NCALD: variants seen among roughly 807,000 people sequenced by gnomAD.
NCALD encodes neurocalcin-delta.
A neutral mutation model predicts 18.6 loss-of-function variants in NCALD; 10 were observed. That is an observed-to-expected ratio of 0.54 (90% CI 0.33 to 0.91). NCALD has a LOEUF of 0.91. Ranked by LOEUF, NCALD falls within the 40% of genes least tolerant of loss-of-function variation. NCALD has a pLI of 0.03. For synonymous variants in NCALD, 88 were observed against 87.4 expected, an observed-to-expected ratio of 1.01 and a Z score of -0.04; for missense variants, 184 against 247.6, an observed-to-expected ratio of 0.74 and a Z score of 1.72.
intron 1 of NCALD, among the ~76,000 whole-genome samples, chr8:102,102,934 A>T (rs898429621): frequency 2.0e-5 from 3 of 152,166 alleles, no homozygotes; most frequent in African/African-American, 7.2e-5. Flanking sequence ...CTCGGGAGTG[A>T]TGAGACCCTA....
At chr8:101,937,474 T>G (rs1043230847) in intron 2 of NCALD, among the ~76,000 whole-genome samples, 12 of 152,210 alleles carry the variant, frequency 7.9e-5, no homozygotes, top group African/African-American at 2.9e-4. Flanking sequence ...TTGCTAAGGA[T>G]AATGGCCTCC....
At chr8:102,055,252 A>C (rs1055391337) in intron 1 of NCALD, among the ~76,000 whole-genome samples, 1 of 127,130 alleles carries the variant, frequency 7.9e-6, no homozygotes, top group African/African-American at 2.8e-5. Flanking sequence ...TCATGATATG[A>C]AAAAAAAAAA....
At chr8:101,749,154 TG>T (rs1326893513) in intron 1 of NCALD, among the ~76,000 whole-genome samples, 1 of 152,256 alleles carries the variant, frequency 6.6e-6, no homozygotes, top group Non-Finnish European at 1.5e-5. Flanking sequence ...GGTTCCACAG[TG>T]GATTAGAAAT....
chr8:101,859,079 AC>A (rs1364497450), intron 4 of NCALD, among the ~76,000 whole-genome samples: 1 of 152,142 alleles, frequency 6.6e-6, no homozygotes, highest in African/African-American at 2.4e-5. Context: ...AGGCAGACCC[AC>A]CCTCAATCTG....
chr8:101,982,442 A>G (rs1820655160), intron 2 of NCALD, among the ~76,000 whole-genome samples: 1 of 152,232 alleles, frequency 6.6e-6, no homozygotes, highest in Admixed American at 6.5e-5. Context: ...ATAAACTATA[A>G]AATACTATGA....
intron 1 of NCALD, among the ~76,000 whole-genome samples, chr8:101,770,852 T>C (rs1204979585): frequency 6.6e-6 from 1 of 152,222 alleles, no homozygotes; most frequent in African/African-American, 2.4e-5. Context: ...ATACATTTTT[T>C]AAAAAATAGA....
At chr8:101,995,010 T>C (rs1821185402) in intron 2 of NCALD, among the ~76,000 whole-genome samples, 1 of 152,206 alleles carries the variant, frequency 6.6e-6, no homozygotes, top group Non-Finnish European at 1.5e-5. Flanking sequence ...TAGAGCCTTG[T>C]ATATGGTAGG....
At chr8:101,900,661 T>C (rs1319286106) in intron 3 of NCALD, among the ~76,000 whole-genome samples, 2 of 152,070 alleles carry the variant, frequency 1.3e-5, no homozygotes, top group Non-Finnish European at 2.9e-5. Flanking sequence ...TTGGAGATTT[T>C]CCTGCCATCT....
At chr8:101,984,572 C>T (rs1174602302) in intron 2 of NCALD, among the ~76,000 whole-genome samples, 1 of 152,178 alleles carries the variant, frequency 6.6e-6, no homozygotes, top group Non-Finnish European at 1.5e-5. Flanking sequence ...CACTGAAACA[C>T]GTTCTTTCCA....
At chr8:101,956,737 A>G (rs1193510733) in intron 2 of NCALD, among the ~76,000 whole-genome samples, 4 of 152,174 alleles carry the variant, frequency 2.6e-5, no homozygotes, top group Non-Finnish European at 5.9e-5. Flanking sequence ...AGTCCCCTAC[A>G]TAACCTCACA....
At chr8:101,883,149 A>G (rs1344023127) in intron 4 of NCALD, among the ~76,000 whole-genome samples, 1 of 152,210 alleles carries the variant, frequency 6.6e-6, no homozygotes, top group Admixed American at 6.5e-5. Flanking sequence ...AAACAGAAGG[A>G]CTGCTTAAGG....
chr8:101,758,853 T>C (rs1563738590), intron 1 of NCALD, among the ~76,000 whole-genome samples: 1 of 152,214 alleles, frequency 6.6e-6, no homozygotes, highest in Non-Finnish European at 1.5e-5. Flanking sequence ...GTAGTTTAAT[T>C]TGAATCTGTG....
At chr8:101,804,216 C>A (rs999469556) in intron 4 of NCALD, among the ~76,000 whole-genome samples, 2 of 149,024 alleles carry the variant, frequency 1.3e-5, no homozygotes, top group Non-Finnish European at 3.0e-5. Context: ...TAAAAATTAG[C>A]AATTTTAGAA....
chr8:102,033,651 G>T (rs1822760058), intron 1 of NCALD, among the ~76,000 whole-genome samples: 1 of 152,134 alleles, frequency 6.6e-6, no homozygotes, highest in Non-Finnish European at 1.5e-5. Flanking sequence ...TTGTTCTACT[G>T]CACTAACTGG....
At chr8:101,905,762 T>C (rs911985873) in intron 3 of NCALD, among the ~76,000 whole-genome samples, 2 of 152,162 alleles carry the variant, frequency 1.3e-5, no homozygotes, top group Non-Finnish European at 2.9e-5. Flanking sequence ...GAGCTTTCTT[T>C]CTCCAATTCT....
chr8:101,690,585 A>G (rs1219605381), intron 3 of NCALD: 1 of 985,314 alleles, frequency 1.0e-6, no homozygotes, highest in East Asian at 1.1e-4. Context: ...CCCCCAACAG[A>G]AACACCAACA....
intron 4 of NCALD, among the ~76,000 whole-genome samples, chr8:101,859,281 T>C (rs1815443527): frequency 6.6e-6 from 1 of 152,214 alleles, no homozygotes; most frequent in Non-Finnish European, 1.5e-5. Flanking sequence ...CCAGGGCCTC[T>C]TGGGCCTTCA....
At chr8:102,094,065 C>A (rs756187510) in intron 1 of NCALD, among the ~76,000 whole-genome samples, 1 of 152,140 alleles carries the variant, frequency 6.6e-6, no homozygotes, top group African/African-American at 2.4e-5. Context: ...TTCACCACCC[C>A]CTTCATGATG....
chr8:101,768,593 C>T (rs1811447518), intron 1 of NCALD, among the ~76,000 whole-genome samples: 1 of 151,990 alleles, frequency 6.6e-6, no homozygotes, highest in Non-Finnish European at 1.5e-5. Flanking sequence ...CCTATAATCC[C>T]AGCTACTTGG....
Sources: gnomAD v4.1 joint callset for allele counts (sites outside exome capture counted in the v4.1 genomes callset) on GRCh38, gnomAD v4.1.1 for gene constraint, MANE v1.5 for transcripts, NCBI Gene and HGNC (gene_info 2026-07-23, HGNC 2026-07-21) for gene names.